The following POLR1B variants were observed in gnomAD, a reference collection of about 807,000 sequenced individuals.
POLR1B encodes the protein DNA-directed RNA polymerase I subunit RPA2.
POLR1B carries 30 observed loss-of-function variants against 105.8 expected under a neutral mutation model. That is an observed-to-expected ratio of 0.28 (90% CI 0.21 to 0.38). The LOEUF (loss-of-function observed/expected upper bound fraction) is 0.38. POLR1B is among the 10% of genes least tolerant of loss of function. The pLI, the probability that POLR1B is intolerant of heterozygous loss-of-function variation, is 1.00. For missense variants in POLR1B, 976 were observed against 1,435.8 expected (o/e 0.68, Z 5.17); for synonymous variants, 485 against 505.1 (o/e 0.96, Z 0.53).
intron 13 of POLR1B, among the ~76,000 whole-genome samples, chr2:112,573,249 C>T (rs1231191046): frequency 6.6e-6 from 1 of 152,106 alleles, no homozygotes; most frequent in Non-Finnish European, 1.5e-5. Flanking sequence ...ACTACAGGCA[C>T]CCATCACCAT....
At chr2:112,559,725 G>A in intron 9 of POLR1B, 151 bp downstream of exon 9, 1 of 893,408 alleles carries the variant, frequency 1.1e-6, no homozygotes, top group Non-Finnish European at 1.7e-6. Flanking sequence ...CTGCCTCCTA[G>A]GTTCACGCCA....
intron 4 of POLR1B, among the ~76,000 whole-genome samples, chr2:112,550,059 G>A (rs1683283494): frequency 6.6e-6 from 1 of 152,196 alleles, no homozygotes; most frequent in African/African-American, 2.4e-5. Context: ...GAAGATGAAA[G>A]CTAGTCTGGC....
intron 13 of POLR1B, among the ~76,000 whole-genome samples, 170 bp downstream of exon 13, chr2:112,572,928 G>A (rs1684665639): frequency 6.6e-6 from 1 of 152,150 alleles, no homozygotes; most frequent in African/African-American, 2.4e-5. Context: ...CAAGCCTTGA[G>A]GAATATCCAC....
Position 112,565,274 on chromosome 2 carries a change from A to AC in POLR1B, c.1746+781dup, listed in dbSNP as rs561757721. Among the ~76,000 whole-genome samples the AC allele has an allele frequency of 1.5e-4, 23 of 151,504 alleles. No homozygotes were observed. The South Asian group carries it at 4.4e-3, about 29-fold the overall frequency. Reference sequence around the variant, plus strand: ...CAAAGATGTTTAATCAGTACATGGGACCCCCCTGTATACACATTACCCAAA... The same window carrying AC: ...CAAAGATGTTTAATCAGTACATGGGACCCCCCCTGTATACACATTACCCAAA... On this transcript the variant is annotated intron_variant, in intron 10 of 14. Coordinates refer to ENST00000263331, the MANE Select transcript of POLR1B (RefSeq NM_019014.6).
chr2:112,572,413 TG>T lies in POLR1B; in HGVS notation c.2075-148del, dbSNP rs1488026766. On this transcript the variant is annotated intron_variant, in intron 12 of 14. Coordinates refer to ENST00000263331, the MANE Select transcript of POLR1B (RefSeq NM_019014.6). ...AGGTTTACTTCATTTTCACAGCTTA[TG>T]TATTAGTCTAAAGTAAGCATAACTA... 1.5e-5 allele frequency: 8 copies of T among 528,806 alleles called. No homozygotes were observed. The African/African-American group carries it at 1.6e-4, about 10-fold the overall frequency. 32.8% of individuals were successfully genotyped at this position (528,806 alleles called of 1,614,324 possible).
At chr2:112,549,429 T>G in intron 4 of POLR1B, 30 bp downstream of exon 4, 1 of 1,506,434 alleles carries the variant, frequency 6.6e-7, no homozygotes, top group Non-Finnish European at 8.9e-7. Context: ...AGAATATTTT[T>G]TAAGGAAAAT....
chr2:112,573,714 T>C lies in POLR1B; in HGVS notation c.2424T>C (p.Asp808=). ...PGDPRVLQKL[D]DDGLPFIGAK... is the part of the protein sequence containing the mutation. ...ACCCACGCGTTCTGCAGAAGTTAGATGACGATGGATTGCCGTTTATAGGAG... is the reference window on the plus strand; with the variant it reads ...ACCCACGCGTTCTGCAGAAGTTAGACGACGATGGATTGCCGTTTATAGGAG... Residue 808 remains aspartate, a synonymous_variant, in exon 14 of 15, where the codon GAT becomes GAC. Transcript: ENST00000263331. The C allele has an allele frequency of 6.2e-7, 1 of 1,614,260 alleles. No individual in the cohort carries two copies. Among genetic ancestry groups the C allele is most frequent in the South Asian group, 1.1e-5 (1 of 91,088 alleles).
chr2:112,564,476 G>T lies in POLR1B; in HGVS notation c.1723G>T (p.Ala575Ser). 6.2e-7 allele frequency: 1 copy of T among 1,614,240 alleles called. No individual in the cohort carries two copies. The highest frequency in any genetic ancestry group is 8.5e-7 in the Non-Finnish European group (1 of 1,180,040). Reference sequence around the variant, plus strand: ...GGATAAGGATCTTGCTCCAGGCATCGCAGATTCTCTTCGTCATTTTAAGGT... The same window carrying T: ...GGATAAGGATCTTGCTCCAGGCATCTCAGATTCTCTTCGTCATTTTAAGGT... ...WVDKDLAPGI[A>S]DSLRHFKVLR... is the part of the protein sequence containing the mutation. The change falls in exon 10 of 15, where the codon GCA becomes TCA. Residue 575 changes from alanine (A) to serine (S), a missense_variant. By Grantham distance (99) the Ala-to-Ser change is moderately conservative. Around this residue, in one of 12 missense-constraint regions of POLR1B, gnomAD observed 184 missense variants for 197.4 expected, o/e 0.93. Transcript: ENST00000263331.
At chr2:112,570,090 C>T (rs1248520677) in intron 12 of POLR1B, among the ~76,000 whole-genome samples, 2 of 150,802 alleles carry the variant, frequency 1.3e-5, no homozygotes, top group Admixed American at 1.3e-4. Context: ...ACTTTGTTGC[C>T]CAGACTGGAG....
At chr2:112,571,763 C>CT (rs1684606494) in intron 12 of POLR1B, among the ~76,000 whole-genome samples, 1 of 152,158 alleles carries the variant, frequency 6.6e-6, no homozygotes, top group Non-Finnish European at 1.5e-5. Flanking sequence ...GGGTTTCTAT[C>CT]TAAGTTGTAG....
chr2:112,564,296 C>T (rs1558661975), intron 9 of POLR1B, 70 bp from the exon 10 acceptor site: 7 of 1,573,414 alleles, frequency 4.4e-6, no homozygotes, highest in South Asian at 1.1e-5. Flanking sequence ...CTGTTGACCC[C>T]ATCTGGAGGG....
rs1450169375 is a variant in POLR1B at position 112,576,454 on chromosome 2, C to T, written c.*725C>T. ...TAATTCCAGGCACCATGTTGTACAA[C>T]AGATCTTTAGACCTTACTTGTCTTG... is the stretch of plus-strand genomic sequence containing the variant. On this transcript the variant is annotated 3_prime_UTR_variant, in exon 15 of 15. Transcript: ENST00000263331. 3 of 152,224 alleles carry T rather than the reference C, an allele frequency of 2.0e-5. No homozygotes were observed. Among genetic ancestry groups the T allele is most frequent in the African/African-American group, 7.2e-5 (3 of 41,450 alleles). 9.4% of individuals were successfully genotyped at this position (152,224 alleles called of 1,614,324 possible).
intron 1 of POLR1B, chr2:112,545,983 C>T (rs1683023283): frequency 6.2e-6 from 1 of 160,340 alleles, no homozygotes; most frequent in Non-Finnish European, 1.4e-5. Flanking sequence ...AAAATAATAC[C>T]AGCTTTAGAT....
intron 1 of POLR1B, among the ~76,000 whole-genome samples, chr2:112,545,661 A>G (rs1435858468): frequency 6.7e-6 from 1 of 149,404 alleles, no homozygotes; most frequent in South Asian, 2.1e-4. Context: ...TTTTTTTGAG[A>G]CAGGATCTCA....
intron 4 of POLR1B, 31 bp from the exon 5 acceptor site, chr2:112,550,834 GT>G: frequency 6.2e-7 from 1 of 1,608,668 alleles, no homozygotes; most frequent in East Asian, 2.2e-5. Context: ...ATATCAATGA[GT>G]TTCTGATTTT....
intron 1 of POLR1B, among the ~76,000 whole-genome samples, chr2:112,545,246 C>T (rs994324667): frequency 6.6e-6 from 1 of 152,080 alleles, no homozygotes; most frequent in African/African-American, 2.4e-5. Context: ...TTCAGGCATG[C>T]GTTAGGGACT....
Position 112,573,669 on chromosome 2 carries a change from G to A in POLR1B, c.2379G>A (p.Val793=), listed in dbSNP as rs754844734. 1.2e-6 allele frequency: 2 copies of A among 1,614,212 alleles called. No homozygotes were observed. The highest frequency in any genetic ancestry group is 1.1e-5 in the South Asian group (1 of 91,078). The change falls in exon 14 of 15, where the codon GTG becomes GTA. Residue 793 remains valine (V), a synonymous_variant. Coordinates refer to ENST00000263331, the MANE Select transcript of POLR1B (RefSeq NM_019014.6). ...EKIKQGDSSL[V]FGIKPGDPRV... ...TTAAACAAGGAGATAGTAGCCTGGTGTTTGGCATCAAACCTGGTGACCCAC... is the reference window on the plus strand; with the variant it reads ...TTAAACAAGGAGATAGTAGCCTGGTATTTGGCATCAAACCTGGTGACCCAC...
At position 112,556,334 on chromosome 2, in the gene POLR1B, G is replaced by T. The variant is rs1683661641; in HGVS notation, c.1159-1576G>T. Among the ~76,000 whole-genome samples, 5 of 152,218 alleles carry T rather than the reference G, an allele frequency of 3.3e-5. 1 individual carries two copies. In the South Asian group the frequency reaches 1.0e-3, roughly 31 times the overall value. ...GTAATTCCCTTATCTGTACATTACA[G>T]ATTTTTAGCAGTGTACTTACAAATC... On this transcript the variant is annotated intron_variant, in intron 7 of 14. Transcript: ENST00000263331.
At chr2:112,573,444 G>A in intron 13 of POLR1B, 118 bp from the exon 14 acceptor site, 1 of 1,311,212 alleles carries the variant, frequency 7.6e-7, no homozygotes, top group Non-Finnish European at 1.0e-6. Flanking sequence ...TTTGGAAAAT[G>A]TGAGGAAAGT....
Sources: allele counts gnomAD v4.1 joint callset (sites outside exome capture counted in the v4.1 genomes callset), GRCh38; gene constraint gnomAD v4.1.1; regional missense constraint gnomAD v4.1.1; transcripts MANE v1.5; gene names NCBI Gene and HGNC (gene_info 2026-07-23, HGNC 2026-07-21).